The following NPLOC4 variants were observed in gnomAD, a reference collection of about 807,000 sequenced individuals.
The protein encoded by NPLOC4 is nuclear protein localization protein 4 homolog.
In NPLOC4, 18 loss-of-function variants were observed where a neutral mutation model predicts 80.6. The observed-to-expected ratio is 0.22, with a 90% confidence interval of 0.15 to 0.33. The LOEUF (loss-of-function observed/expected upper bound fraction) is 0.33. NPLOC4 is among the 10% of genes least tolerant of loss of function. NPLOC4 has a pLI of 1.00. For missense variants in NPLOC4, 540 were observed against 786.1 expected (o/e 0.69, Z 3.74); for synonymous variants, 313 against 301.5 (o/e 1.04, Z -0.39).
intron 12 of NPLOC4, among the ~76,000 whole-genome samples, chr17:81,581,495 G>C (rs2034440770): frequency 6.6e-6 from 1 of 151,820 alleles, no homozygotes; most frequent in Admixed American, 6.6e-5. Context: ...CCCTGCCCCA[G>C]AGGAATAAGC....
chr17:81,581,761 G>A (rs2034446751), intron 12 of NPLOC4, among the ~76,000 whole-genome samples: 1 of 152,256 alleles, frequency 6.6e-6, no homozygotes. Context: ...CATGTCCAGA[G>A]GAGTGGGAAT....
intron 16 of NPLOC4, among the ~76,000 whole-genome samples, chr17:81,559,634 G>A (rs539972262): frequency 7.2e-5 from 11 of 152,004 alleles, no homozygotes; most frequent in Non-Finnish European, 1.5e-4. Context: ...GTAACAGGGA[G>A]CCTGTGCTTG....
intron 12 of NPLOC4, among the ~76,000 whole-genome samples, chr17:81,582,327 G>C (rs953734175): frequency 1.3e-5 from 2 of 152,234 alleles, no homozygotes; most frequent in Non-Finnish European, 2.9e-5. Context: ...TGCCCGATGA[G>C]GGGCATGGAC....
intron 2 of NPLOC4, among the ~76,000 whole-genome samples, chr17:81,622,963 G>C (rs992976362): frequency 6.6e-6 from 1 of 151,824 alleles, no homozygotes; most frequent in Admixed American, 6.6e-5. Context: ...GGGAGGATGA[G>C]GTGGGAGTAT....
chr17:81,618,390 CGTCTGAGAA>C (rs1308172987), intron 3 of NPLOC4, among the ~76,000 whole-genome samples: 1 of 151,116 alleles, frequency 6.6e-6, no homozygotes, highest in African/African-American at 2.4e-5. Context: ...CTGGCCGCCC[CGTCTGAGAA>C]GTGAGGAGCC....
At chr17:81,573,210 A>T (rs2034206487) in intron 12 of NPLOC4, among the ~76,000 whole-genome samples, 1 of 152,214 alleles carries the variant, frequency 6.6e-6, no homozygotes, top group South Asian at 2.1e-4. Context: ...TAAATTATAC[A>T]TCCATAATTT....
intron 7 of NPLOC4, 95 bp from the exon 8 acceptor site, chr17:81,604,822 T>A: frequency 8.4e-7 from 1 of 1,189,266 alleles, no homozygotes; most frequent in Middle Eastern, 2.0e-4. Context: ...ATCTTTTACC[T>A]AGTTCTTTAA....
chr17:81,623,934 A>G (rs1004777601), intron 2 of NPLOC4, among the ~76,000 whole-genome samples: 5 of 152,174 alleles, frequency 3.3e-5, no homozygotes, highest in African/African-American at 4.8e-5. Flanking sequence ...AATATTAAGC[A>G]GTTCTATGTG....
intron 2 of NPLOC4, among the ~76,000 whole-genome samples, chr17:81,625,896 C>T (rs11869770): frequency 0.018 from 2,705 of 152,090 alleles, 89 homozygotes; most frequent in African/African-American, 0.061. Context: ...AGCCTGTAAT[C>T]CCAACACTTT....
chr17:81,585,661 TGG>T (rs34746217), intron 12 of NPLOC4, among the ~76,000 whole-genome samples: 17 of 105,616 alleles, frequency 1.6e-4, no homozygotes, highest in East Asian at 6.8e-4. Flanking sequence ...ACTCCATTTC[TGG>T]GGGGGGGGGG....
At position 81,587,674 on chromosome 17, in the gene NPLOC4, GT is replaced by G. The variant is rs34643456; in HGVS notation, c.1281+1269del. Among the ~76,000 whole-genome samples, 257 of 93,402 alleles carry G rather than the reference GT, an allele frequency of 2.8e-3. 2 individuals are homozygous for G. The highest frequency in any genetic ancestry group is 9.3e-3 in the African/African-American group (214 of 23,018). 61.3% of individuals were successfully genotyped at this position (93,402 alleles called of 152,430 possible). ...GAAAAAAGAAACAAAGAAAAAAGTT[GT>G]TTTTTTTTTTTTTTTTGAGACAGAG... On this transcript the variant is annotated intron_variant, in intron 12 of 16. Coordinates refer to ENST00000331134, the MANE Select transcript of NPLOC4 (RefSeq NM_017921.4).
chr17:81,576,308 G>A (rs527632079), intron 12 of NPLOC4, among the ~76,000 whole-genome samples: 15 of 152,304 alleles, frequency 9.8e-5, no homozygotes, highest in South Asian at 4.1e-4. Context: ...ACAGTTGGCC[G>A]TTGCACAACG....
chr17:81,614,774 C>T (rs912602792), intron 3 of NPLOC4, among the ~76,000 whole-genome samples: 2 of 152,154 alleles, frequency 1.3e-5, no homozygotes, highest in African/African-American at 2.4e-5. Flanking sequence ...CCACAGAAGC[C>T]GCCTGGGGTC....
chr17:81,633,349 G>A (rs796314057), intron 1 of NPLOC4, among the ~76,000 whole-genome samples: 4 of 152,068 alleles, frequency 2.6e-5, no homozygotes, highest in South Asian at 2.1e-4. Flanking sequence ...TCCTTCAAAC[G>A]ATGACTCTGG....
intron 2 of NPLOC4, among the ~76,000 whole-genome samples, chr17:81,628,383 G>A (rs1047974506): frequency 6.6e-6 from 1 of 151,726 alleles, no homozygotes. Flanking sequence ...GTATGGTGGC[G>A]GGTGCCTGTA....
chr17:81,626,926 C>T (rs1328048957), intron 2 of NPLOC4, among the ~76,000 whole-genome samples: 1 of 149,120 alleles, frequency 6.7e-6, no homozygotes, highest in Non-Finnish European at 1.5e-5. Context: ...CTCGTCTCTA[C>T]TAAAAATACA....
intron 11 of NPLOC4, among the ~76,000 whole-genome samples, chr17:81,590,946 C>T (rs952633095): frequency 4.6e-5 from 7 of 152,204 alleles, no homozygotes; most frequent in Non-Finnish European, 8.8e-5. Context: ...CTGCCCCAAA[C>T]TCAAATGCTC....
intron 2 of NPLOC4, among the ~76,000 whole-genome samples, chr17:81,629,192 C>CT (rs141999520): frequency 0.57 from 65,626 of 115,762 alleles, 20,511 homozygotes; most frequent in East Asian, 0.99. Flanking sequence ...TTATGAAATA[C>CT]TTTTTTTTTT....
At chr17:81,610,311 C>T (rs920638259) in intron 4 of NPLOC4, 53 bp from the exon 5 acceptor site, 13 of 1,515,518 alleles carry the variant, frequency 8.6e-6, no homozygotes, top group South Asian at 7.2e-5. Flanking sequence ...GTCTGTGTTC[C>T]GCTGCTGCTG....
Sources: allele counts gnomAD v4.1 joint callset (sites outside exome capture counted in the v4.1 genomes callset), GRCh38; gene constraint gnomAD v4.1.1; transcripts MANE v1.5; gene names NCBI Gene and HGNC (gene_info 2026-07-23, HGNC 2026-07-21).